Variants in ST3GAL1 observed in about 807,000 individuals in gnomAD.
The protein encoded by ST3GAL1 is CMP-N-acetylneuraminate-beta-galactosamide-alpha-2,3-sialyltransferase 1.
ST3GAL1 carries 16 observed loss-of-function variants against 34.1 expected under a neutral mutation model. The ratio of observed to expected loss-of-function variants is 0.47; its 90% CI spans 0.32 to 0.71. The LOEUF (loss-of-function observed/expected upper bound fraction) is 0.71, where lower values mean the gene tolerates loss of function less well. Ranked by LOEUF, ST3GAL1 falls within the 30% of genes least tolerant of loss-of-function variation. The pLI, the probability that ST3GAL1 is intolerant of heterozygous loss-of-function variation, is 0.04. For missense variants in ST3GAL1, 353 were observed against 447.4 expected (o/e 0.79, Z 1.90); for synonymous variants, 191 against 184.7 (o/e 1.03, Z -0.28).
chr8:133,506,568 A>G (rs1817344561), intron 2 of ST3GAL1, among the ~76,000 whole-genome samples: 1 of 151,888 alleles, frequency 6.6e-6, no homozygotes, highest in Non-Finnish European at 1.5e-5. Flanking sequence ...GCAGATCACC[A>G]GAGGTCAGGA....
intron 3 of ST3GAL1, among the ~76,000 whole-genome samples, chr8:133,483,368 A>G (rs1396170343): frequency 6.6e-6 from 1 of 152,104 alleles, no homozygotes; most frequent in African/African-American, 2.4e-5. Context: ...AAAAATGCTC[A>G]CACGAAGCGT....
rs796409479 is a variant in ST3GAL1 at position 133,465,707 on chromosome 8, A to C, written c.503+187T>G. The C allele has an allele frequency of 2.4e-5, 14 of 588,650 alleles. No homozygotes were observed. The South Asian group carries it at 3.5e-4, about 15-fold the overall frequency. 36.5% of individuals were successfully genotyped at this position (588,650 alleles called of 1,614,324 possible). On this transcript the variant is annotated intron_variant, in intron 6 of 9. Coordinates refer to ENST00000522652, the MANE Select transcript of ST3GAL1 (RefSeq NM_173344.3). ...GCAGAGGCCCTTCTAGTCCATTCCA[A>C]TCCTGCAATGATGCAGAGATGGGGA...
intron 2 of ST3GAL1, among the ~76,000 whole-genome samples, chr8:133,514,923 C>G (rs543222656): frequency 6.6e-6 from 1 of 152,150 alleles, no homozygotes; most frequent in African/African-American, 2.4e-5. Context: ...TGCCGTCCTC[C>G]GATGGCCCCC....
chr8:133,503,524 C>T (rs1003317), intron 2 of ST3GAL1, among the ~76,000 whole-genome samples: 37,724 of 151,652 alleles, frequency 0.25, 4,723 homozygotes, highest in South Asian at 0.28. Flanking sequence ...TTCCTCCCTC[C>T]GTCCAGCCCC....
intron 3 of ST3GAL1, among the ~76,000 whole-genome samples, chr8:133,493,222 G>A (rs1816836420): frequency 6.6e-6 from 1 of 152,200 alleles, no homozygotes; most frequent in Admixed American, 6.5e-5. Context: ...ATCTTGTTCT[G>A]CTCAACTTTA....
At chr8:133,541,542 C>T (rs191553482) in intron 2 of ST3GAL1, among the ~76,000 whole-genome samples, 1 of 152,262 alleles carries the variant, frequency 6.6e-6, no homozygotes, top group East Asian at 1.9e-4. Context: ...TAACAGGACT[C>T]CATCTGAGAG....
chr8:133,552,223 G>A (rs1818884655), intron 1 of ST3GAL1, among the ~76,000 whole-genome samples: 1 of 152,222 alleles, frequency 6.6e-6, no homozygotes, highest in Non-Finnish European at 1.5e-5. Context: ...GAATGTGCAA[G>A]TAGGTGGTTT....
chr8:133,495,197 CATG>C (rs1445388023), intron 3 of ST3GAL1, among the ~76,000 whole-genome samples: 2 of 152,172 alleles, frequency 1.3e-5, no homozygotes, highest in African/African-American at 2.4e-5. Context: ...GGATTACAGG[CATG>C]AGCCACCGTG....
At chr8:133,519,274 G>GAC (rs931636586) in intron 2 of ST3GAL1, among the ~76,000 whole-genome samples, 37 of 152,308 alleles carry the variant, frequency 2.4e-4, no homozygotes, top group African/African-American at 7.5e-4. Context: ...GGCATGTGCA[G>GAC]ACACTCATGC....
chr8:133,563,085 T>C (rs1819295378), intron 1 of ST3GAL1, among the ~76,000 whole-genome samples: 1 of 152,094 alleles, frequency 6.6e-6, no homozygotes, highest in Non-Finnish European at 1.5e-5. Context: ...GAAGGGACTT[T>C]TTAGCCACTC....
chr8:133,493,150 C>T (rs1333823958), intron 3 of ST3GAL1, among the ~76,000 whole-genome samples: 1 of 152,164 alleles, frequency 6.6e-6, no homozygotes, highest in African/African-American at 2.4e-5. Context: ...GAGGACTGGA[C>T]GCACTGTCCC....
At position 133,467,539 on chromosome 8, in the gene ST3GAL1, C is replaced by T. The variant is rs766121196; in HGVS notation, c.307-1449G>A. ...GGATTTGAACCCAGGCTTCTAGAAA[C>T]CCACCAGCAGGTTTCTCCCACCACA... is the stretch of plus-strand genomic sequence containing the variant. On this transcript the variant is annotated intron_variant, in intron 5 of 9. Coordinates refer to ENST00000522652, the MANE Select transcript of ST3GAL1 (RefSeq NM_173344.3). The surrounding 1 kb of genome is among the most constrained non-coding windows in gnomAD (Gnocchi z 4.2). 6.6e-6 allele frequency among the ~76,000 whole-genome samples: 1 copy of T among 152,194 alleles called. No homozygotes were observed. The highest frequency in any genetic ancestry group is 2.4e-5 in the African/African-American group (1 of 41,448).
Position 133,500,326 on chromosome 8 carries a change from C to T in ST3GAL1, c.-428-1137G>A, listed in dbSNP as rs538188952. Among the ~76,000 whole-genome samples the T allele has an allele frequency of 6.0e-4, 91 of 152,268 alleles. 1 individual carries two copies. Among genetic ancestry groups the T allele is most frequent in the Middle Eastern group, 3.4e-3 (1 of 294 alleles). On this transcript the variant is annotated intron_variant, in intron 2 of 9. Coordinates refer to ENST00000522652, the MANE Select transcript of ST3GAL1 (RefSeq NM_173344.3). ...TATCACACCAAGAGGCCCACGGGGG[C>T]CAGAAGGAGGGAGGAGGTGCCTAGG...
intron 3 of ST3GAL1, among the ~76,000 whole-genome samples, chr8:133,479,090 GGATT>G (rs1399217452): frequency 1.3e-5 from 2 of 152,164 alleles, no homozygotes; most frequent in Non-Finnish European, 2.9e-5. Context: ...TGGGAAAAAC[GGATT>G]GATAACACAA....
intron 1 of ST3GAL1, among the ~76,000 whole-genome samples, chr8:133,567,959 C>T (rs1399214263): frequency 2.0e-5 from 3 of 150,712 alleles, no homozygotes; most frequent in East Asian, 3.9e-4. Context: ...CTCACTCTGT[C>T]GCCGAGACTG....
At chr8:133,536,225 G>A (rs932094303) in intron 2 of ST3GAL1, among the ~76,000 whole-genome samples, 1 of 152,120 alleles carries the variant, frequency 6.6e-6, no homozygotes, top group African/African-American at 2.4e-5. Flanking sequence ...TGAGGCTGGG[G>A]GTCTTGATGG....
At chr8:133,542,012 T>G (rs1012437324) in intron 2 of ST3GAL1, among the ~76,000 whole-genome samples, 2 of 152,192 alleles carry the variant, frequency 1.3e-5, no homozygotes, top group Admixed American at 6.5e-5. Context: ...TAGGTCAATT[T>G]GAAAATGATC....
rs138738296 is a variant in ST3GAL1 at position 133,555,487 on chromosome 8, C to T, written c.-581-9561G>A. 4.2e-3 allele frequency among the ~76,000 whole-genome samples: 636 copies of T among 152,290 alleles called. 2 individuals carry two copies. Among genetic ancestry groups the T allele is most frequent in the Non-Finnish European group, 6.9e-3 (466 of 68,018 alleles). On this transcript the variant is annotated intron_variant, in intron 1 of 9. Coordinates refer to ENST00000522652, the MANE Select transcript of ST3GAL1 (RefSeq NM_173344.3). ...AATGTGGCTCACAGTGACTCCCACC[C>T]GCACCATTGATGGGACATTCGTCCT...
At chr8:133,525,022 C>T (rs1054695470) in intron 2 of ST3GAL1, among the ~76,000 whole-genome samples, 2 of 152,214 alleles carry the variant, frequency 1.3e-5, no homozygotes, top group Non-Finnish European at 2.9e-5. Flanking sequence ...TGTGTTTCAG[C>T]CCTGTTTGTG....
Sources: gnomAD v4.1 joint callset for allele counts (sites outside exome capture counted in the v4.1 genomes callset) on GRCh38, gnomAD v4.1.1 for gene constraint, Gnocchi (gnomAD v3.1) non-coding constraint, MANE v1.5 for transcripts, NCBI Gene and HGNC (gene_info 2026-07-23, HGNC 2026-07-21) for gene names.